The following GRIA1 variants were observed in gnomAD, a reference collection of about 807,000 sequenced individuals.
The protein encoded by GRIA1 is glutamate receptor 1.
A neutral mutation model predicts 99.2 loss-of-function variants in GRIA1; 31 were observed. The ratio of observed to expected loss-of-function variants is 0.31; its 90% CI spans 0.23 to 0.42. GRIA1 has a LOEUF of 0.42. GRIA1 is among the 10% of genes least tolerant of loss of function. The pLI is 1.00. For synonymous variants in GRIA1, 438 were observed against 432.4 expected, an observed-to-expected ratio of 1.01 and a Z score of -0.16; for missense variants, 782 against 1,157.5, an observed-to-expected ratio of 0.68 and a Z score of 4.71.
chr5:153,562,035 G>A (rs541242413), intron 2 of GRIA1, among the ~76,000 whole-genome samples: 2 of 152,248 alleles, frequency 1.3e-5, no homozygotes, highest in South Asian at 4.1e-4. Flanking sequence ...TACCTAAATG[G>A]AGATGAGGGT....
At chr5:153,563,743 C>T (rs1761365496) in intron 2 of GRIA1, among the ~76,000 whole-genome samples, 1 of 152,216 alleles carries the variant, frequency 6.6e-6, no homozygotes. Context: ...CAAATACCTA[C>T]TTCCCCCTTT....
chr5:153,796,179 G>C (rs1561867543), intron 14 of GRIA1, among the ~76,000 whole-genome samples: 1 of 151,968 alleles, frequency 6.6e-6, no homozygotes, highest in Non-Finnish European at 1.5e-5. Flanking sequence ...GTTGAAGGAA[G>C]AGAGTCTCAT....
At chr5:153,680,520 A>G (rs1756903229) in intron 7 of GRIA1, among the ~76,000 whole-genome samples, 1 of 152,180 alleles carries the variant, frequency 6.6e-6, no homozygotes, top group South Asian at 2.1e-4. Context: ...GTGTACATAC[A>G]TAATTTCTGC....
intron 2 of GRIA1, among the ~76,000 whole-genome samples, chr5:153,599,031 G>C (rs192259056): frequency 1.3e-5 from 2 of 152,026 alleles, no homozygotes; most frequent in Admixed American, 6.5e-5. Flanking sequence ...GCAGGCGCCC[G>C]CCACCACGCC....
chr5:153,702,939 C>CA (rs1173060123), intron 10 of GRIA1, among the ~76,000 whole-genome samples: 5 of 152,314 alleles, frequency 3.3e-5, no homozygotes, highest in Admixed American at 1.3e-4. Context: ...TCCAAAAAGA[C>CA]AACTGTTTCT....
intron 2 of GRIA1, among the ~76,000 whole-genome samples, chr5:153,620,975 T>C (rs1766985774): frequency 6.6e-6 from 1 of 152,200 alleles, no homozygotes; most frequent in African/African-American, 2.4e-5. Context: ...GAATATAGCT[T>C]TGTTATGCTT....
chr5:153,646,137 A>C (rs978822102), intron 2 of GRIA1, among the ~76,000 whole-genome samples: 15 of 152,310 alleles, frequency 9.8e-5, no homozygotes, highest in East Asian at 3.9e-4. Context: ...CAGGATTGGC[A>C]ACTGCATTGG....
intron 2 of GRIA1, among the ~76,000 whole-genome samples, chr5:153,639,056 T>TGA (rs1753597374): frequency 6.6e-6 from 1 of 152,202 alleles, no homozygotes; most frequent in Admixed American, 6.5e-5. Context: ...GTGAACTCAC[T>TGA]GAGCATCCCA....
At chr5:153,604,452 T>A (rs1007458942) in intron 2 of GRIA1, among the ~76,000 whole-genome samples, 1 of 152,238 alleles carries the variant, frequency 6.6e-6, no homozygotes, top group Non-Finnish European at 1.5e-5. Context: ...TCTCACTTAC[T>A]TTTAACTTTC....
At chr5:153,714,943 TGAA>T (rs1759565061) in intron 11 of GRIA1, among the ~76,000 whole-genome samples, 1 of 152,244 alleles carries the variant, frequency 6.6e-6, no homozygotes, top group Non-Finnish European at 1.5e-5. Flanking sequence ...ATCTAGTGGC[TGAA>T]GGAGAAACGG....
chr5:153,509,985 T>A (rs1312710092), intron 2 of GRIA1, among the ~76,000 whole-genome samples: 1 of 152,180 alleles, frequency 6.6e-6, no homozygotes, highest in African/African-American at 2.4e-5. Flanking sequence ...TAAGGAGATC[T>A]CTAGATCTAA....
chr5:153,609,851 G>C (rs989866837), intron 2 of GRIA1, among the ~76,000 whole-genome samples: 2 of 152,032 alleles, frequency 1.3e-5, no homozygotes, highest in East Asian at 1.9e-4. Context: ...ATGAGCCACC[G>C]AGCCCAGCCC....
At chr5:153,654,955 A>T (rs376441673) in intron 4 of GRIA1, among the ~76,000 whole-genome samples, 1 of 152,190 alleles carries the variant, frequency 6.6e-6, no homozygotes, top group Admixed American at 6.5e-5. Flanking sequence ...TCTTTCCACA[A>T]ATATTTTTTC....
At chr5:153,664,180 G>A (rs947080156) in intron 5 of GRIA1, among the ~76,000 whole-genome samples, 2 of 151,962 alleles carry the variant, frequency 1.3e-5, no homozygotes, top group African/African-American at 4.8e-5. Context: ...TGGAGCTCCA[G>A]GAGACACAGG....
chr5:153,578,970 C>A (rs1479215200), intron 2 of GRIA1, among the ~76,000 whole-genome samples: 1 of 151,764 alleles, frequency 6.6e-6, no homozygotes, highest in African/African-American at 2.4e-5. Context: ...TTGTGACTCC[C>A]TTTTCTCTCC....
intron 2 of GRIA1, among the ~76,000 whole-genome samples, chr5:153,563,122 G>A (rs538872322): frequency 6.0e-5 from 9 of 150,992 alleles, no homozygotes; most frequent in Admixed American, 5.3e-4. Flanking sequence ...GTTGTAGTGA[G>A]CCAAGACTGT....
intron 10 of GRIA1, among the ~76,000 whole-genome samples, chr5:153,700,999 T>C (rs1758478186): frequency 1.3e-5 from 2 of 152,220 alleles, no homozygotes; most frequent in Admixed American, 1.3e-4. Flanking sequence ...GGTAGAGACC[T>C]GGATAGTACA....
chr5:153,769,821 T>C (rs1275660740), intron 12 of GRIA1, among the ~76,000 whole-genome samples: 2 of 152,090 alleles, frequency 1.3e-5, no homozygotes, highest in Non-Finnish European at 2.9e-5. Context: ...TTCTGGTTAG[T>C]ATAAATATGG....
At chr5:153,759,059 C>T (rs1230050165) in intron 11 of GRIA1, among the ~76,000 whole-genome samples, 1 of 150,804 alleles carries the variant, frequency 6.6e-6, no homozygotes, top group Non-Finnish European at 1.5e-5. Context: ...GAAAACATGA[C>T]ATATGAAAAC....
Sources: allele counts gnomAD v4.1 joint callset (sites outside exome capture counted in the v4.1 genomes callset), GRCh38; gene constraint gnomAD v4.1.1; transcripts MANE v1.5; gene names NCBI Gene and HGNC (gene_info 2026-07-23, HGNC 2026-07-21).